Variants in ZNF804B observed in about 807,000 individuals in gnomAD.
ZNF804B encodes the protein zinc finger protein 804B, also known as zinc finger 804B.
A neutral mutation model predicts 101.4 loss-of-function variants in ZNF804B; 80 were observed. The observed-to-expected ratio is 0.79, with a 90% confidence interval of 0.66 to 0.95. The LOEUF (loss-of-function observed/expected upper bound fraction) is 0.95, where lower values mean the gene tolerates loss of function less well. Among genes scored for constraint, ZNF804B ranks in the 40% least tolerant of loss-of-function variants. The pLI is 0.00. For synonymous variants in ZNF804B, 622 were observed against 558.8 expected, an observed-to-expected ratio of 1.11 and a Z score of -1.59; for missense variants, 1,673 against 1,561.9, an observed-to-expected ratio of 1.07 and a Z score of -1.20.
intron 2 of ZNF804B, among the ~76,000 whole-genome samples, chr7:89,322,197 C>T (rs2115970620): frequency 6.6e-6 from 1 of 152,274 alleles, no homozygotes; most frequent in Middle Eastern, 3.4e-3. Context: ...TTAAGCAAAA[C>T]TGTTAACCGC....
chr7:89,249,995 G>A (rs1789514925), intron 2 of ZNF804B, among the ~76,000 whole-genome samples: 1 of 152,056 alleles, frequency 6.6e-6, no homozygotes, highest in Non-Finnish European at 1.5e-5. Context: ...AGACCAGCCA[G>A]GCCAAGATGG....
chr7:89,108,455 A>G (rs1309386818), intron 1 of ZNF804B, among the ~76,000 whole-genome samples: 1 of 152,106 alleles, frequency 6.6e-6, no homozygotes, highest in Non-Finnish European at 1.5e-5. Flanking sequence ...TTTTTATATT[A>G]TAGAATAGTT....
At chr7:88,825,292 ACTCT>A (rs1483436270) in intron 1 of ZNF804B, among the ~76,000 whole-genome samples, 1 of 151,810 alleles carries the variant, frequency 6.6e-6, no homozygotes, top group Non-Finnish European at 1.5e-5. Context: ...TGTGCTATGG[ACTCT>A]CTCTCAATAA....
intron 1 of ZNF804B, among the ~76,000 whole-genome samples, chr7:89,174,839 T>C (rs1791295243): frequency 6.6e-6 from 1 of 152,068 alleles, no homozygotes; most frequent in African/African-American, 2.4e-5. Context: ...ATTCCTATGA[T>C]GTTCAAGGAT....
chr7:88,954,218 A>C (rs1342511454), intron 1 of ZNF804B, among the ~76,000 whole-genome samples: 2 of 151,680 alleles, frequency 1.3e-5, no homozygotes, highest in Non-Finnish European at 3.0e-5. Context: ...GTGAATAAAG[A>C]TTGACTTTTT....
At chr7:89,322,962 G>A (rs1016508889) in intron 2 of ZNF804B, among the ~76,000 whole-genome samples, 2 of 152,180 alleles carry the variant, frequency 1.3e-5, no homozygotes, top group Non-Finnish European at 2.9e-5. Flanking sequence ...TAGACCATAA[G>A]TTTATGTTCC....
At chr7:89,198,752 A>T (rs1788590203) in intron 1 of ZNF804B, among the ~76,000 whole-genome samples, 1 of 151,912 alleles carries the variant, frequency 6.6e-6, no homozygotes, top group African/African-American at 2.4e-5. Context: ...AATAACAAAA[A>T]CAAGTACAGA....
chr7:88,903,540 C>T (rs1304594803), intron 1 of ZNF804B, among the ~76,000 whole-genome samples: 2 of 152,188 alleles, frequency 1.3e-5, no homozygotes, highest in East Asian at 3.9e-4. Context: ...AACTGCTTTT[C>T]ACAGTGGCTG....
intron 2 of ZNF804B, among the ~76,000 whole-genome samples, chr7:89,254,970 A>G (rs1296672066): frequency 6.6e-6 from 1 of 152,178 alleles, no homozygotes; most frequent in Non-Finnish European, 1.5e-5. Flanking sequence ...AGAAAAATAA[A>G]GAGGGGACTT....
In ZNF804B at chr7:88,882,315, A is replaced by G. The variant is rs559063060; in HGVS notation, c.108+122231A>G. ...CATCAGAGAAATGCAAATTAAAACC[A>G]CAATGAAATACCATTTCACACCAGT... On this transcript the variant is annotated intron_variant, in intron 1 of 3. Coordinates refer to ENST00000333190, the MANE Select transcript of ZNF804B (RefSeq NM_181646.5). 2.6e-5 allele frequency among the ~76,000 whole-genome samples: 4 copies of G among 152,290 alleles called. No homozygotes were observed. The East Asian group carries it at 7.7e-4, about 29-fold the overall frequency.
intron 1 of ZNF804B, among the ~76,000 whole-genome samples, chr7:88,848,623 T>TTC (rs946491145): frequency 7.1e-6 from 1 of 140,274 alleles, no homozygotes; most frequent in African/African-American, 2.6e-5. Flanking sequence ...TGCATTTTCT[T>TTC]TTTTTTTTTT....
intron 1 of ZNF804B, among the ~76,000 whole-genome samples, chr7:88,819,344 TG>T (rs1410372302): frequency 1.3e-5 from 2 of 152,148 alleles, no homozygotes; most frequent in Non-Finnish European, 2.9e-5. Flanking sequence ...TTGGTGAGGC[TG>T]GCCTCGAACT....
intron 1 of ZNF804B, among the ~76,000 whole-genome samples, chr7:88,859,244 T>C (rs1454372904): frequency 6.6e-6 from 1 of 151,930 alleles, no homozygotes; most frequent in Non-Finnish European, 1.5e-5. Flanking sequence ...TATTTAGGTG[T>C]AGTGTTTTGT....
In ZNF804B at chr7:88,877,006, A is replaced by AAAAAAAATATATAT. The variant is rs1171913711; in HGVS notation, c.108+116924_108+116925insAAAAATATATATAA. Among the ~76,000 whole-genome samples, 2 of 84,266 alleles carry AAAAAAAATATATAT rather than the reference A, an allele frequency of 2.4e-5. 1 individual carries two copies. The highest frequency in any genetic ancestry group is 7.2e-4 in the South Asian group (2 of 2,796). The allele number at this position is 84,266 out of a possible 152,430, so 55.3% of individuals were successfully genotyped here. On this transcript the variant is annotated intron_variant, in intron 1 of 3. Coordinates refer to ENST00000333190, the MANE Select transcript of ZNF804B (RefSeq NM_181646.5). ...TTATACAGAGAATATTTGAAAAAAA[A>AAAAAAAATATATAT]AATATATATATATATATATAATATA...
chr7:88,930,964 C>G (rs1245222145), intron 1 of ZNF804B, among the ~76,000 whole-genome samples: 1 of 151,834 alleles, frequency 6.6e-6, no homozygotes, highest in Non-Finnish European at 1.5e-5. Flanking sequence ...CATCGTTAGC[C>G]ATTATATTAG....
chr7:89,197,921 C>T, intron 1 of ZNF804B, among the ~76,000 whole-genome samples: 1 of 151,894 alleles, frequency 6.6e-6, no homozygotes, highest in East Asian at 1.9e-4. Context: ...GATGCTTAGA[C>T]ATTACTAAAA....
At chr7:89,281,243 C>CT (rs1292824219) in intron 2 of ZNF804B, among the ~76,000 whole-genome samples, 2 of 152,026 alleles carry the variant, frequency 1.3e-5, no homozygotes, top group South Asian at 4.1e-4. Context: ...AATTAATAAT[C>CT]TTTTATTTTG....
chr7:89,053,270 C>T (rs1440234622), intron 1 of ZNF804B, among the ~76,000 whole-genome samples: 2 of 152,030 alleles, frequency 1.3e-5, no homozygotes, highest in African/African-American at 2.4e-5. Context: ...TTTATAGTAC[C>T]TAGTCATAAT....
At chr7:88,807,050 C>T (rs1790702935) in intron 1 of ZNF804B, among the ~76,000 whole-genome samples, 1 of 152,096 alleles carries the variant, frequency 6.6e-6, no homozygotes, top group Admixed American at 6.6e-5. Flanking sequence ...TTCTTTGTGA[C>T]TTAAAAAATG....
Sources: gnomAD v4.1 joint callset for allele counts (sites outside exome capture counted in the v4.1 genomes callset) on GRCh38, gnomAD v4.1.1 for gene constraint, MANE v1.5 for transcripts, NCBI Gene and HGNC (gene_info 2026-07-23, HGNC 2026-07-21) for gene names.